The following GALNT9 variants were observed in gnomAD, a reference collection of about 807,000 sequenced individuals.
GALNT9 encodes GalNAc transferase 9.
In GALNT9, 47 loss-of-function variants were observed where a neutral mutation model predicts 63.1. That is an observed-to-expected ratio of 0.75 (90% CI 0.59 to 0.95). The LOEUF (loss-of-function observed/expected upper bound fraction) is 0.95, where lower values mean the gene tolerates loss of function less well. Ranked by LOEUF, GALNT9 falls within the 40% of genes least tolerant of loss-of-function variation. GALNT9 has a pLI of 0.00. For synonymous variants in GALNT9, 396 were observed against 365.7 expected, an observed-to-expected ratio of 1.08 and a Z score of -0.94; for missense variants, 829 against 874.8, an observed-to-expected ratio of 0.95 and a Z score of 0.66.
At position 132,329,068 on chromosome 12, in the gene GALNT9, G is replaced by A. The variant is rs782291268; in HGVS notation, c.136C>T (p.Arg46Trp). The A allele has an allele frequency of 1.9e-5, 29 of 1,547,432 alleles. No homozygotes were observed. In the South Asian group the frequency reaches 2.1e-4, roughly 11 times the overall value. Residue 46 changes from arginine (R) to tryptophan (W), a missense_variant, in exon 1 of 11, where the codon CGG (arginine) becomes TGG (tryptophan). Transcript: ENST00000328957. ...ELVRIVSGDR[R>W]VRSRHAKVGT... ...ACCTTGGCGTGTCGGCTGCGCACCC[G>A]GCGGTCGCCGCTCACGATGCGCACG...
chr12:132,216,827 C>G (rs549627775), intron 6 of GALNT9, among the ~76,000 whole-genome samples: 1 of 152,220 alleles, frequency 6.6e-6, no homozygotes, highest in Admixed American at 6.5e-5. Flanking sequence ...GCCTGTGAGG[C>G]GGCGTTTCTG....
chr12:132,200,496 CGT>C (rs1875960638), intron 8 of GALNT9: 1 of 152,362 alleles, frequency 6.6e-6, no homozygotes, highest in African/African-American at 2.4e-5. Flanking sequence ...GATGCACAGA[CGT>C]GTACACACAC....
intron 1 of GALNT9, among the ~76,000 whole-genome samples, chr12:132,323,781 C>T (rs1158242334): frequency 1.3e-5 from 2 of 152,198 alleles, no homozygotes; most frequent in Non-Finnish European, 2.9e-5. Flanking sequence ...GTAGTAAATC[C>T]ACAATCATGG....
In GALNT9 at chr12:132,310,301, G is replaced by C. The variant is rs1212739241; in HGVS notation, c.238+18665C>G. Among the ~76,000 whole-genome samples the C allele has an allele frequency of 6.6e-6, 1 of 152,182 alleles. No homozygotes were observed. The highest frequency in any genetic ancestry group is 1.5e-5 in the Non-Finnish European group (1 of 68,040). ...CAGTTGGGGTCGGTAACACGCAGAA[G>C]TAAAGGAACTGAGGCATGCAAAGGC... is the stretch of plus-strand genomic sequence containing the variant. On this transcript the variant is annotated intron_variant, in intron 1 of 10. Transcript: ENST00000328957. The surrounding 1 kb of genome is among the most constrained non-coding windows in gnomAD (Gnocchi z 4.8).
intron 6 of GALNT9, chr12:132,240,539 C>T (rs2136898533): frequency 7.0e-5 from 31 of 441,536 alleles, no homozygotes; most frequent in Non-Finnish European, 9.9e-5. Context: ...GTGGGCCTGG[C>T]GTGGCCCCAG....
At position 132,286,483 on chromosome 12, in the gene GALNT9, G is replaced by T; in HGVS notation, c.239-53C>A. On this transcript the variant is annotated intron_variant, in intron 1 of 10. Coordinates refer to ENST00000328957, the MANE Select transcript of GALNT9 (RefSeq NM_001122636.2). This position sits in a 1 kb window ranked among gnomAD's most constrained non-coding sequence, Gnocchi z 7.4. The stretch of plus-strand genomic sequence containing the variant: ...GGCAGGCCCAGGACACGCTGCGTCT[G>T]CACCCAGGAGACGCCCCTCCCGCCC... 6.7e-7 allele frequency: 1 copy of T among 1,492,738 alleles called. No individual in the cohort carries two copies. The allele number at this position is 1,492,738 out of a possible 1,614,324, so 92.5% of individuals were successfully genotyped here.
intron 6 of GALNT9, among the ~76,000 whole-genome samples, chr12:132,243,722 C>T (rs1018832070): frequency 2.6e-5 from 4 of 152,178 alleles, no homozygotes; most frequent in Admixed American, 2.0e-4. Context: ...TCCACGTGTC[C>T]ATCGTGGCTC....
rs1311124137 is a variant in GALNT9 at position 132,319,714 on chromosome 12, C to T, written c.238+9252G>A. ...ACTCCGCCACACACACAGCTGTACC[C>T]GGCACAACACGCGGCCACAGGTCAC... On this transcript the variant is annotated intron_variant, in intron 1 of 10. Coordinates refer to ENST00000328957, the MANE Select transcript of GALNT9 (RefSeq NM_001122636.2). The surrounding 1 kb of genome is among the most constrained non-coding windows in gnomAD (Gnocchi z 5.2). Among the ~76,000 whole-genome samples the T allele has an allele frequency of 3.3e-5, 5 of 152,338 alleles. No homozygotes were observed. The highest frequency in any genetic ancestry group is 1.9e-4 in the East Asian group (1 of 5,188).
chr12:132,294,980 A>G (rs535239958), intron 1 of GALNT9, among the ~76,000 whole-genome samples: 9 of 152,338 alleles, frequency 5.9e-5, no homozygotes, highest in African/African-American at 2.2e-4. Flanking sequence ...GGAAGCAAGG[A>G]CAAACGATGA....
intron 1 of GALNT9, among the ~76,000 whole-genome samples, chr12:132,328,601 C>G (rs1333085327): frequency 6.6e-6 from 1 of 152,194 alleles, no homozygotes; most frequent in South Asian, 2.1e-4. Context: ...CCTGACGGCC[C>G]CCACTCCTGG....
chr12:132,302,800 C>A (rs982756498), intron 1 of GALNT9, among the ~76,000 whole-genome samples: 2 of 152,178 alleles, frequency 1.3e-5, no homozygotes, highest in African/African-American at 2.4e-5. Flanking sequence ...AGGGCTGTGG[C>A]AGCAGAAAGG....
chr12:132,198,080 C>T, intron 9 of GALNT9, 121 bp from the exon 10 acceptor site: 3 of 800,536 alleles, frequency 3.7e-6, no homozygotes, highest in South Asian at 1.8e-5. Context: ...GCCTTGGAGC[C>T]TCCCACCCCG....
At chr12:132,218,489 T>G (rs1344906297) in intron 6 of GALNT9, among the ~76,000 whole-genome samples, 1 of 152,226 alleles carries the variant, frequency 6.6e-6, no homozygotes, top group Non-Finnish European at 1.5e-5. Flanking sequence ...GAGATTTCAT[T>G]GAACCTGATT....
chr12:132,265,624 A>G lies in GALNT9; in HGVS notation c.420-2999T>C, dbSNP rs566999300. On this transcript the variant is annotated intron_variant, in intron 2 of 10. Coordinates refer to ENST00000328957, the MANE Select transcript of GALNT9 (RefSeq NM_001122636.2). The surrounding 1 kb of genome is among the most constrained non-coding windows in gnomAD (Gnocchi z 5.3). Reference sequence around the variant, plus strand: ...AAGGTAAGCAGCCCCACAGGACACCAGCCGACAGCCGGATGCTTACAAGTT... The same window carrying G: ...AAGGTAAGCAGCCCCACAGGACACCGGCCGACAGCCGGATGCTTACAAGTT... Among the ~76,000 whole-genome samples the G allele has an allele frequency of 6.6e-6, 1 of 152,288 alleles. No homozygotes were observed. The highest frequency in any genetic ancestry group is 2.4e-5 in the African/African-American group (1 of 41,544).
intron 6 of GALNT9, among the ~76,000 whole-genome samples, chr12:132,217,134 T>C (rs745704297): frequency 6.6e-6 from 1 of 152,094 alleles, no homozygotes; most frequent in Non-Finnish European, 1.5e-5. Context: ...CATTTACCCA[T>C]CTACTCACTT....
intron 6 of GALNT9, among the ~76,000 whole-genome samples, chr12:132,203,977 T>C (rs764539024): frequency 6.6e-6 from 1 of 152,084 alleles, no homozygotes; most frequent in Admixed American, 6.5e-5. Flanking sequence ...ACCCCAACAC[T>C]TAACAGGTTT....
chr12:132,230,155 G>A (rs1276500920), intron 6 of GALNT9, among the ~76,000 whole-genome samples: 4 of 152,132 alleles, frequency 2.6e-5, no homozygotes, highest in Non-Finnish European at 4.4e-5. Context: ...AAGCCCAGCT[G>A]TGGAGAGGCC....
Position 132,282,026 on chromosome 12 carries a change from G to C in GALNT9, c.419+4224C>G, listed in dbSNP as rs55660619. Among the ~76,000 whole-genome samples, 16 of 106,110 alleles carry C rather than the reference G, an allele frequency of 1.5e-4. No individual in the cohort carries two copies. The highest frequency in any genetic ancestry group is 6.7e-4 in the South Asian group (2 of 2,964). The allele number at this position is 106,110 out of a possible 152,430, so 69.6% of individuals were successfully genotyped here. On this transcript the variant is annotated intron_variant, in intron 2 of 10. Coordinates refer to ENST00000328957, the MANE Select transcript of GALNT9 (RefSeq NM_001122636.2). The surrounding 1 kb of genome is among the most constrained non-coding windows in gnomAD (Gnocchi z 4.5). ...AGCAAGGCCAGGCCTGGGGGTCCCC[G>C]ATCCCACAGAGGAGGAATCAGCTCC...
At chr12:132,227,489 G>A (rs2135524430) in intron 6 of GALNT9, among the ~76,000 whole-genome samples, 1 of 152,336 alleles carries the variant, frequency 6.6e-6, no homozygotes, top group Non-Finnish European at 1.5e-5. Flanking sequence ...ACGCAGACGG[G>A]CTCCAGCGAG....
Sources: gnomAD v4.1 joint callset for allele counts (sites outside exome capture counted in the v4.1 genomes callset) on GRCh38, gnomAD v4.1.1 for gene constraint, Gnocchi (gnomAD v3.1) non-coding constraint, MANE v1.5 for transcripts, NCBI Gene and HGNC (gene_info 2026-07-23, HGNC 2026-07-21) for gene names.